The following PDLIM5 variants were observed in gnomAD, a reference collection of about 807,000 sequenced individuals.
PDLIM5 encodes the protein PDZ and LIM domain protein 5.
Under a neutral mutation model 64.2 loss-of-function variants are expected in PDLIM5, and 34 were observed. The ratio of observed to expected loss-of-function variants is 0.53; its 90% CI spans 0.40 to 0.71. The LOEUF is 0.71. PDLIM5 is among the 30% of genes least tolerant of loss of function. PDLIM5 has a pLI of 0.00. For synonymous variants in PDLIM5, 253 were observed against 269.1 expected (o/e 0.94, Z 0.59); for missense variants, 683 against 733.6 (o/e 0.93, Z 0.80).
chr4:94,617,466 A>G (rs752942495), intron 7 of PDLIM5, among the ~76,000 whole-genome samples: 16 of 152,024 alleles, frequency 1.1e-4, no homozygotes, highest in Non-Finnish European at 2.2e-4. Flanking sequence ...AACGTTTGGC[A>G]TATAGTAGGT....
At position 94,621,854 on chromosome 4, in the gene PDLIM5, A is replaced by G. The variant is rs117115174; in HGVS notation, c.1108+3663A>G. On this transcript the variant is annotated intron_variant, in intron 8 of 12. Coordinates refer to ENST00000317968, the MANE Select transcript of PDLIM5 (RefSeq NM_006457.5). ...TGAATTTTATATGAGCAAAACTACA[A>G]TATAAAACATTATACATTATATAAC... Among the ~76,000 whole-genome samples, 1,488 of 152,342 alleles carry G rather than the reference A, an allele frequency of 9.8e-3. 39 individuals are homozygous for G. Among genetic ancestry groups the G allele is most frequent in the South Asian group, 0.081 (390 of 4,832 alleles).
intron 3 of PDLIM5, among the ~76,000 whole-genome samples, chr4:94,526,634 G>C (rs1578310542): frequency 6.6e-6 from 1 of 152,036 alleles, no homozygotes; most frequent in Admixed American, 6.6e-5. Context: ...ACTTTGAAGA[G>C]TTATCTTTGA....
intron 2 of PDLIM5, among the ~76,000 whole-genome samples, chr4:94,479,330 C>CT (rs34176254): frequency 0.95 from 124,452 of 131,016 alleles, 59,266 homozygotes; most frequent in East Asian, 0.99. Context: ...AGCTTTGAGA[C>CT]TTTTTTTTTT....
chr4:94,660,443 TTTCC>T (rs1742601376), intron 11 of PDLIM5, among the ~76,000 whole-genome samples: 1 of 152,330 alleles, frequency 6.6e-6, no homozygotes, highest in African/African-American at 2.4e-5. Flanking sequence ...CTTTTCTAAT[TTTCC>T]TTAATAGTGT....
intron 8 of PDLIM5, among the ~76,000 whole-genome samples, chr4:94,622,309 AT>A (rs1229582566): frequency 1.3e-5 from 2 of 151,776 alleles, no homozygotes; most frequent in African/African-American, 4.9e-5. Flanking sequence ...GCTTAGGTAA[AT>A]TTAGTTCATT....
intron 9 of PDLIM5, among the ~76,000 whole-genome samples, chr4:94,644,588 C>T (rs1435767131): frequency 3.3e-5 from 5 of 150,186 alleles, no homozygotes; most frequent in Non-Finnish European, 7.4e-5. Flanking sequence ...TGCAGTGGTG[C>T]GATCTCGGCT....
intron 7 of PDLIM5, among the ~76,000 whole-genome samples, chr4:94,606,695 T>C (rs1737953405): frequency 6.6e-6 from 1 of 152,122 alleles, no homozygotes; most frequent in Admixed American, 6.5e-5. Flanking sequence ...AGAGAAGTTA[T>C]TTTCTAGGAC....
At chr4:94,459,778 T>C (rs1043852540) in intron 2 of PDLIM5, among the ~76,000 whole-genome samples, 2 of 152,198 alleles carry the variant, frequency 1.3e-5, no homozygotes, top group African/African-American at 4.8e-5. Flanking sequence ...TAGGAGAAGT[T>C]AATTGAACTG....
chr4:94,540,626 A>T (rs373350394), intron 3 of PDLIM5, among the ~76,000 whole-genome samples: 4 of 152,250 alleles, frequency 2.6e-5, no homozygotes, highest in South Asian at 4.1e-4. Flanking sequence ...GGGGTGGAGG[A>T]ATGAGAGTTC....
chr4:94,592,107 A>G (rs886757218), intron 7 of PDLIM5, among the ~76,000 whole-genome samples: 2 of 152,228 alleles, frequency 1.3e-5, no homozygotes, highest in African/African-American at 4.8e-5. Flanking sequence ...TAAATTAAGG[A>G]TGTTTATTTG....
intron 2 of PDLIM5, among the ~76,000 whole-genome samples, chr4:94,487,279 T>C (rs1009146908): frequency 6.6e-6 from 1 of 152,212 alleles, no homozygotes; most frequent in African/African-American, 2.4e-5. Context: ...GTGCTGCCCC[T>C]CTGCTGCCTA....
At chr4:94,579,569 G>C (rs975594142) in intron 5 of PDLIM5, 1 of 1,284,654 alleles carries the variant, frequency 7.8e-7, no homozygotes, top group Non-Finnish European at 1.1e-6. Flanking sequence ...GAGGAAATAT[G>C]GTGATTTATA....
chr4:94,654,363 A>G (rs934534531), intron 9 of PDLIM5, 97 bp from the exon 10 acceptor site: 5 of 777,092 alleles, frequency 6.4e-6, no homozygotes, highest in Non-Finnish European at 1.1e-5. Context: ...TTGAGCAAGT[A>G]TTTAATTGGT....
At chr4:94,475,882 T>C (rs1725280225) in intron 2 of PDLIM5, among the ~76,000 whole-genome samples, 1 of 152,170 alleles carries the variant, frequency 6.6e-6, no homozygotes, top group African/African-American at 2.4e-5. Flanking sequence ...TACCAGGACA[T>C]AGCCTCTATA....
intron 8 of PDLIM5, among the ~76,000 whole-genome samples, chr4:94,631,337 A>T (rs1212896807): frequency 1.3e-5 from 2 of 152,202 alleles, no homozygotes; most frequent in Non-Finnish European, 2.9e-5. Context: ...AACTTTGGGC[A>T]GTCAGGTTTA....
intron 2 of PDLIM5, among the ~76,000 whole-genome samples, chr4:94,464,638 C>G (rs557185926): frequency 6.6e-6 from 1 of 152,338 alleles, no homozygotes; most frequent in African/African-American, 2.4e-5. Context: ...ATCTAGCTAG[C>G]TAGCTATCGT....
rs753495682 is a variant in PDLIM5, at chr4:94,618,065, G to A, written c.982G>A (p.Glu328Lys). The change falls in exon 8 of 13, where the codon GAG becomes AAG. Residue 328 changes from glutamate (E) to lysine (K), a missense_variant. Coordinates refer to ENST00000317968, the MANE Select transcript of PDLIM5 (RefSeq NM_006457.5). ...GGTAGCTTCCACACGGAGCATGCCC[G>A]AGAGCCTGGACAGCCCAACCTCTGG... ...SSVASTRSMP[E>K]SLDSPTSGRP... The A allele has an allele frequency of 1.6e-5, 25 of 1,610,426 alleles. No individual in the cohort carries two copies. Among genetic ancestry groups the A allele is most frequent in the Middle Eastern group, 1.6e-4 (1 of 6,074 alleles).
intron 3 of PDLIM5, among the ~76,000 whole-genome samples, chr4:94,540,664 C>T (rs1011498670): frequency 2.6e-5 from 4 of 152,144 alleles, no homozygotes; most frequent in African/African-American, 9.7e-5. Flanking sequence ...AGTCCTAAAA[C>T]TGGTTGAGTG....
At chr4:94,453,587 C>G (rs959023031) in intron 1 of PDLIM5, among the ~76,000 whole-genome samples, 6 of 152,126 alleles carry the variant, frequency 3.9e-5, no homozygotes, top group African/African-American at 1.4e-4. Flanking sequence ...ATTCCCCAGA[C>G]ACAAGTTAAA....
Sources: allele counts gnomAD v4.1 joint callset (sites outside exome capture counted in the v4.1 genomes callset), GRCh38; gene constraint gnomAD v4.1.1; transcripts MANE v1.5; gene names NCBI Gene and HGNC (gene_info 2026-07-23, HGNC 2026-07-21).